The following ATP6V0E1 variants were observed in gnomAD, a reference collection of about 807,000 sequenced individuals.
ATP6V0E1 encodes V-type proton ATPase subunit e 1.
Under a neutral mutation model 11.6 loss-of-function variants are expected in ATP6V0E1, and 4 were observed. That is an observed-to-expected ratio of 0.35 (90% CI 0.17 to 0.79). The LOEUF (loss-of-function observed/expected upper bound fraction) is 0.79, where lower values mean the gene tolerates loss of function less well. ATP6V0E1 is among the 30% of genes least tolerant of loss of function. The pLI is 0.54. For synonymous variants in ATP6V0E1, 36 were observed against 34.8 expected (o/e 1.04, Z -0.13); for missense variants, 105 against 100.0 (o/e 1.05, Z -0.21).
chr5:172,996,342 C>G (rs1433821993), intron 2 of ATP6V0E1, among the ~76,000 whole-genome samples: 1 of 151,824 alleles, frequency 6.6e-6, no homozygotes, highest in Non-Finnish European at 1.5e-5. Context: ...GGTGGATCAC[C>G]AGGTCAGGAT....
chr5:172,999,952 AT>A (rs1756128290), intron 2 of ATP6V0E1, among the ~76,000 whole-genome samples: 1 of 152,168 alleles, frequency 6.6e-6, no homozygotes, highest in Non-Finnish European at 1.5e-5. Flanking sequence ...AACCCCAAAT[AT>A]TTTACACACC....
At chr5:173,021,908 G>A (rs561071240) in intron 3 of ATP6V0E1, among the ~76,000 whole-genome samples, 2 of 152,326 alleles carry the variant, frequency 1.3e-5, no homozygotes, top group East Asian at 1.9e-4. Context: ...AGTGGTGGGC[G>A]CATGTAGTCC....
At chr5:173,009,650 A>T (rs1384426878) in intron 2 of ATP6V0E1, among the ~76,000 whole-genome samples, 1 of 150,150 alleles carries the variant, frequency 6.7e-6, no homozygotes, top group East Asian at 2.0e-4. Context: ...TTTAGTAGAG[A>T]CAGAGTTTTT....
At chr5:173,031,808 G>A (rs1480886307) in intron 3 of ATP6V0E1, among the ~76,000 whole-genome samples, 1 of 141,344 alleles carries the variant, frequency 7.1e-6, no homozygotes, top group Admixed American at 7.2e-5. Flanking sequence ...GGGCGAGAGA[G>A]CGAGACTCTG....
chr5:172,996,574 A>C (rs1162755900), intron 2 of ATP6V0E1, among the ~76,000 whole-genome samples: 9 of 151,706 alleles, frequency 5.9e-5, no homozygotes, highest in East Asian at 5.8e-4. Flanking sequence ...AAAAAAAAAA[A>C]ATACATACAT....
intron 1 of ATP6V0E1, among the ~76,000 whole-genome samples, chr5:172,985,114 G>A (rs926904898): frequency 9.9e-5 from 15 of 151,866 alleles, no homozygotes; most frequent in South Asian, 4.2e-4. Context: ...GCGTGGTGGC[G>A]GGCGCCTGTA....
At chr5:173,010,051 C>T (rs956260246) in intron 2 of ATP6V0E1, among the ~76,000 whole-genome samples, 5 of 152,122 alleles carry the variant, frequency 3.3e-5, no homozygotes, top group Admixed American at 1.3e-4. Context: ...CGCGAGCCAC[C>T]GTGCCTGTCC....
intron 2 of ATP6V0E1, among the ~76,000 whole-genome samples, chr5:172,996,086 A>C (rs532825447): frequency 4.3e-4 from 66 of 152,300 alleles, no homozygotes; most frequent in African/African-American, 1.5e-3. Context: ...AAAGACCATG[A>C]CTTTTTTTTC....
chr5:173,024,873 T>G (rs1224497372), intron 3 of ATP6V0E1, among the ~76,000 whole-genome samples: 1 of 148,102 alleles, frequency 6.8e-6, no homozygotes, highest in African/African-American at 2.5e-5. Flanking sequence ...AGACAGAATC[T>G]CGCTCTGACG....
intron 3 of ATP6V0E1, among the ~76,000 whole-genome samples, chr5:173,030,799 AGTGCAGTG>A (rs1756637569): frequency 6.6e-6 from 1 of 151,688 alleles, no homozygotes; most frequent in South Asian, 2.1e-4. Context: ...CCCAGACTGG[AGTGCAGTG>A]GCGCAATCTT....
intron 3 of ATP6V0E1, among the ~76,000 whole-genome samples, chr5:173,024,508 C>G (rs1049036017): frequency 6.6e-6 from 1 of 152,034 alleles, no homozygotes; most frequent in African/African-American, 2.4e-5. Flanking sequence ...GTCCAGGCCC[C>G]TCTTCTATAT....
At chr5:172,986,777 TTTTG>T (rs142836180) in intron 1 of ATP6V0E1, 129,191 of 426,434 alleles carry the variant, frequency 0.3, 24,451 homozygotes, top group East Asian at 0.75. Context: ...TTTTTGTTGT[TTTTG>T]TTTGTTTGTT....
chr5:172,985,339 T>C (rs747734075), intron 1 of ATP6V0E1, among the ~76,000 whole-genome samples: 4 of 152,190 alleles, frequency 2.6e-5, no homozygotes, highest in Non-Finnish European at 4.4e-5. Context: ...ACATTTGCTT[T>C]ATTAGTCTAA....
intron 1 of ATP6V0E1, among the ~76,000 whole-genome samples, chr5:172,991,992 CTTCT>C (rs916271910): frequency 2.4e-5 from 3 of 125,914 alleles, no homozygotes; most frequent in Middle Eastern, 3.7e-3. Flanking sequence ...TCTTTCTTTC[CTTCT>C]TTCTTCTTTC....
At chr5:173,034,306 A>G (rs1254484087) in intron 3 of ATP6V0E1, 93 bp from the exon 4 acceptor site, 15 of 690,592 alleles carry the variant, frequency 2.2e-5, no homozygotes, top group Middle Eastern at 2.3e-4. Flanking sequence ...TGTGCATTTT[A>G]AAGTGTTGGC....
At chr5:173,011,599 A>G (rs918880011) in intron 2 of ATP6V0E1, among the ~76,000 whole-genome samples, 11 of 152,154 alleles carry the variant, frequency 7.2e-5, no homozygotes, top group African/African-American at 2.6e-4. Context: ...TAGTAAGTTC[A>G]CTAGGACTTA....
At chr5:173,019,338 G>A (rs1756446716) in intron 2 of ATP6V0E1, among the ~76,000 whole-genome samples, 1 of 152,032 alleles carries the variant, frequency 6.6e-6, no homozygotes. Context: ...GGCACATCAC[G>A]AGGTCAGGAG....
intron 2 of ATP6V0E1, among the ~76,000 whole-genome samples, chr5:173,002,427 T>C (rs2113590849): frequency 6.6e-6 from 1 of 152,332 alleles, no homozygotes; most frequent in African/African-American, 2.4e-5. Flanking sequence ...ATAGAAAAAC[T>C]GGGTTGTTTG....
At chr5:173,002,041 G>C (rs1756163189) in intron 2 of ATP6V0E1, among the ~76,000 whole-genome samples, 1 of 152,122 alleles carries the variant, frequency 6.6e-6, no homozygotes, top group South Asian at 2.1e-4. Context: ...TTAGGATAAT[G>C]AACCTTCATT....
Sources: allele counts gnomAD v4.1 joint callset (sites outside exome capture counted in the v4.1 genomes callset), GRCh38; gene constraint gnomAD v4.1.1; transcripts MANE v1.5; gene names NCBI Gene and HGNC (gene_info 2026-07-23, HGNC 2026-07-21).